Variants in LRP1 observed in about 807,000 individuals in gnomAD.
LRP1 encodes the protein prolow-density lipoprotein receptor-related protein 1.
A neutral mutation model predicts 541.5 loss-of-function variants in LRP1; 51 were observed. The ratio of observed to expected loss-of-function variants is 0.09; its 90% confidence interval spans 0.08 to 0.12. The LOEUF (loss-of-function observed/expected upper bound fraction) is 0.12, where lower values mean the gene tolerates loss of function less well. Ranked by LOEUF, LRP1 falls within the 10% of genes least tolerant of loss-of-function variation. The pLI is 1.00. For synonymous variants in LRP1, 2,219 were observed against 2,470.8 expected (o/e 0.90, Z 3.02); for missense variants, 3,878 against 6,376.2 (o/e 0.61, Z 13.34).
intron 44 of LRP1, 76 bp downstream of exon 44, chr12:57,191,588 A>G: frequency 7.5e-7 from 1 of 1,337,136 alleles, no homozygotes; most frequent in Non-Finnish European, 1.0e-6. Context: ...CCCCACACAC[A>G]CATCGCACAT....
rs768002005 is a variant in LRP1, at chr12:57,198,544, G to A, written c.9550G>A (p.Val3184Met). 30 of 1,613,842 alleles carry A rather than the reference G, an allele frequency of 1.9e-5. No homozygotes were observed. Among genetic ancestry groups the A allele is most frequent in the East Asian group, 2.2e-5 (1 of 44,888 alleles). ...GGATGGGTCCAGCCGCAGCGTCATC[G>A]TGGACACCAAGATCACATGGCCCAA... ...GMDGSSRSVI[V>M]DTKITWPNGL... is the part of the protein sequence containing the mutation. Residue 3184 changes from valine (V) to methionine (M), a missense_variant, in exon 60 of 89, where the codon GTG becomes ATG. Physicochemically the swap from Val to Met is conservative, Grantham distance 21. Around this residue, in one of 13 missense-constraint regions of LRP1, gnomAD observed 1,100 missense variants for 1,827.4 expected, o/e 0.60. Transcript: ENST00000243077.
At chr12:57,138,949 T>A (rs907194979) in intron 2 of LRP1, among the ~76,000 whole-genome samples, 2 of 152,184 alleles carry the variant, frequency 1.3e-5, no homozygotes, top group African/African-American at 4.8e-5. Flanking sequence ...GATCCTCAGA[T>A]CTTCCTCTGT....
In LRP1 at chr12:57,200,826, G is replaced by GGGGGGGGGCCCCCC; in HGVS notation, c.10225+11_10225+12insGGGGGGGGCCCCCC. ...ACGAGGCCAACTGTGGTAAGGCGCT[G>GGGGGGGGGCCCCCC]CCCGCCCACCCTCCCTCCTTCCCCA... is the stretch of plus-strand genomic sequence containing the variant. On this transcript the variant is annotated intron_variant, in intron 64 of 88. Coordinates refer to ENST00000243077, the MANE Select transcript of LRP1 (RefSeq NM_002332.3). 6.3e-7 allele frequency: 1 copy of GGGGGGGGGCCCCCC among 1,581,436 alleles called. No homozygotes were observed. The highest frequency in any genetic ancestry group is 8.6e-7 in the Non-Finnish European group (1 of 1,157,680).
chr12:57,180,811 G>A lies in LRP1; in HGVS notation c.5527+4G>A, dbSNP rs774203281. 8.1e-6 allele frequency: 13 copies of A among 1,613,516 alleles called. No individual in the cohort carries two copies. The Admixed American group carries it at 1.0e-4, about 12-fold the overall frequency. ...TATGACGAGAGCATCCAGCTGGGTA[G>A]GTGCGAGGCCGGGCGGCCGCTGGGG... On this transcript the variant is annotated splice_donor_region_variant and intron_variant, in intron 33 of 88. Transcript: ENST00000243077.
rs1008976294 is a variant in LRP1 at position 57,189,489 on chromosome 12, C to G, written c.7032-1316C>G. 6.6e-6 allele frequency among the ~76,000 whole-genome samples: 1 copy of G among 152,170 alleles called. No individual in the cohort carries two copies. Among genetic ancestry groups the G allele is most frequent in the Non-Finnish European group, 1.5e-5 (1 of 68,034 alleles). ...AGGCCCTTAAGATCAGAGCTTCTCACGAGCTCGCCGAGGCTCAGGGCAGCC... is the reference window on the plus strand; with the variant it reads ...AGGCCCTTAAGATCAGAGCTTCTCAGGAGCTCGCCGAGGCTCAGGGCAGCC... On this transcript the variant is annotated intron_variant, in intron 42 of 88. Transcript: ENST00000243077. This position sits in a 1 kb window ranked among gnomAD's most constrained non-coding sequence, Gnocchi z 4.4.
In LRP1 at chr12:57,179,566, G is replaced by A. The variant is rs201396084; in HGVS notation, c.4966+10G>A. ...ACAGTCGTCTCTGCAGGTTCTTCCTGGCCCTGGATGCCCACCAGTGGACAT... is the reference window on the plus strand; with the variant it reads ...ACAGTCGTCTCTGCAGGTTCTTCCTAGCCCTGGATGCCCACCAGTGGACAT... On this transcript the variant is annotated intron_variant, in intron 29 of 88. Coordinates refer to ENST00000243077, the MANE Select transcript of LRP1 (RefSeq NM_002332.3). This position sits in a 1 kb window ranked among gnomAD's most constrained non-coding sequence, Gnocchi z 6.8. 2.0e-5 allele frequency: 33 copies of A among 1,611,204 alleles called. No homozygotes were observed. The highest frequency in any genetic ancestry group is 2.5e-5 in the Non-Finnish European group (30 of 1,178,006).
At chr12:57,210,518 C>T in intron 82 of LRP1, 38 bp downstream of exon 82, 1 of 1,512,908 alleles carries the variant, frequency 6.6e-7, no homozygotes, top group Non-Finnish European at 8.9e-7. Flanking sequence ...CTCCTTGCCC[C>T]TGGGCCCCAG....
At chr12:57,195,439 G>A in intron 52 of LRP1, 40 bp downstream of exon 52, 1 of 1,595,340 alleles carries the variant, frequency 6.3e-7, no homozygotes, top group Non-Finnish European at 8.5e-7. Flanking sequence ...GACAGCAAAT[G>A]GCCACAGTCT....
intron 44 of LRP1, among the ~76,000 whole-genome samples, chr12:57,191,921 CTACACAT>C (rs1565744067): frequency 7.5e-5 from 9 of 120,164 alleles, no homozygotes; most frequent in Non-Finnish European, 1.3e-4. Flanking sequence ...ACCACACACA[CTACACAT>C]ACCACACACA....
At chr12:57,190,320 C>T (rs918409179) in intron 42 of LRP1, among the ~76,000 whole-genome samples, 3 of 152,228 alleles carry the variant, frequency 2.0e-5, no homozygotes, top group Non-Finnish European at 4.4e-5. Context: ...CTGGGAAATA[C>T]TCACATAGTG....
intron 12 of LRP1, among the ~76,000 whole-genome samples, chr12:57,160,369 C>G (rs1031378108): frequency 5.9e-5 from 9 of 152,166 alleles, no homozygotes; most frequent in African/African-American, 1.9e-4. Context: ...TGCCTGCTGT[C>G]TGTTTCTCAA....
chr12:57,206,492 G>A lies in LRP1; in HGVS notation c.11610G>A (p.Leu3870=). The part of the protein sequence containing the change: ...CKAEGSEYQV[L]YIADDNEIRS... Reference sequence around the variant, plus strand: ...CTCCAGGCTCTGAGTACCAGGTCCTGTACATCGCTGATGACAATGAGATCC... The same window carrying A: ...CTCCAGGCTCTGAGTACCAGGTCCTATACATCGCTGATGACAATGAGATCC... Residue 3870 remains leucine, a synonymous_variant, in exon 76 of 89, where the codon CTG becomes CTA. Transcript: ENST00000243077. The surrounding 1 kb of genome is among the most constrained non-coding windows in gnomAD (Gnocchi z 4.7). 1 of 1,614,110 alleles carries A rather than the reference G, an allele frequency of 6.2e-7. No homozygotes were observed. Among genetic ancestry groups the A allele is most frequent in the East Asian group, 2.2e-5 (1 of 44,888 alleles).
chr12:57,128,859 G>A lies in LRP1; in HGVS notation c.-106G>A. On this transcript the variant is annotated 5_prime_UTR_variant, in exon 1 of 89. Coordinates refer to ENST00000243077, the MANE Select transcript of LRP1 (RefSeq NM_002332.3). ...GAAGGAAAGAATAAGAACAGAGAAGGAGGAGGGGGAAAGGAGGAAAAGGGG... is the reference window on the plus strand; with the variant it reads ...GAAGGAAAGAATAAGAACAGAGAAGAAGGAGGGGGAAAGGAGGAAAAGGGG... The A allele has an allele frequency of 1.1e-6, 1 of 932,062 alleles. No individual in the cohort carries two copies. Among genetic ancestry groups the A allele is most frequent in the Non-Finnish European group, 1.6e-6 (1 of 614,656 alleles). 57.7% of individuals were successfully genotyped at this position (932,062 alleles called of 1,614,324 possible). A position where few individuals can be genotyped will look rare whatever the true frequency, so the allele number is the denominator to read the frequency against.
chr12:57,177,692 C>T lies in LRP1; in HGVS notation c.4361+101C>T, dbSNP rs1234981962. The T allele has an allele frequency of 2.9e-6, 4 of 1,369,278 alleles. No homozygotes were observed. Among genetic ancestry groups the T allele is most frequent in the Non-Finnish European group, 3.0e-6 (3 of 994,180 alleles). 84.8% of individuals were successfully genotyped at this position (1,369,278 alleles called of 1,614,324 possible). On this transcript the variant is annotated intron_variant, in intron 26 of 88. Coordinates refer to ENST00000243077, the MANE Select transcript of LRP1 (RefSeq NM_002332.3). The surrounding 1 kb of genome is among the most constrained non-coding windows in gnomAD (Gnocchi z 6.8). ...AGGGTGATGAGAAGGACCAAGGGAT[C>T]TAGAACTAGGAACGGTGGCAAAGGA...
chr12:57,212,624 C>T lies in LRP1; in HGVS notation c.*69C>T. 2.0e-6 allele frequency: 3 copies of T among 1,465,746 alleles called. No homozygotes were observed. Among genetic ancestry groups the T allele is most frequent in the Non-Finnish European group, 2.7e-6 (3 of 1,093,192 alleles). The allele number at this position is 1,465,746 out of a possible 1,614,324, so 90.8% of individuals were successfully genotyped here. On this transcript the variant is annotated 3_prime_UTR_variant, in exon 89 of 89. Coordinates refer to ENST00000243077, the MANE Select transcript of LRP1 (RefSeq NM_002332.3). This position sits in a 1 kb window ranked among gnomAD's most constrained non-coding sequence, Gnocchi z 5.0. ...TGCCAGTGAAGTCCTTCAGTGAGCC[C>T]CTCCCCAGCCAGCCCTTCCCTGGCC...
chr12:57,203,683 C>T lies in LRP1; in HGVS notation c.10951+162C>T, dbSNP rs200251804. 5.3e-5 allele frequency: 50 copies of T among 946,712 alleles called. 1 individual carries two copies. The East Asian group carries it at 7.5e-4, about 14-fold the overall frequency. The allele number at this position is 946,712 out of a possible 1,614,324, so 58.6% of individuals were successfully genotyped here. On this transcript the variant is annotated intron_variant, in intron 70 of 88. Coordinates refer to ENST00000243077, the MANE Select transcript of LRP1 (RefSeq NM_002332.3). Reference sequence around the variant, plus strand: ...CAGGCACTGCCATAGGTGTTAGGGACGTAGTAGTAAACAAGACACAGGGCC... The same window carrying T: ...CAGGCACTGCCATAGGTGTTAGGGATGTAGTAGTAAACAAGACACAGGGCC...
rs1032533342 is a variant in LRP1 at position 57,179,716 on chromosome 12, C to T, written c.4967-66C>T. 21 of 1,507,830 alleles carry T rather than the reference C, an allele frequency of 1.4e-5. No homozygotes were observed. The Admixed American group carries it at 1.7e-4, about 12-fold the overall frequency. The allele number at this position is 1,507,830 out of a possible 1,614,324, so 93.4% of individuals were successfully genotyped here. A position where few individuals can be genotyped will look rare whatever the true frequency, so the allele number is the denominator to read the frequency against. On this transcript the variant is annotated intron_variant, in intron 29 of 88. Transcript: ENST00000243077. This position sits in a 1 kb window ranked among gnomAD's most constrained non-coding sequence, Gnocchi z 6.8. ...TGATCCCTTTTCTCCAGAAGGCACACTGGCTCCCCTCCTGACCCACTGCCC... is the reference window on the plus strand; with the variant it reads ...TGATCCCTTTTCTCCAGAAGGCACATTGGCTCCCCTCCTGACCCACTGCCC...
rs1565759814 is a variant in LRP1, at chr12:57,212,949, T to G, written c.*394T>G. 1 of 170,070 alleles carries G rather than the reference T, an allele frequency of 5.9e-6. No individual in the cohort carries two copies. Among genetic ancestry groups the G allele is most frequent in the Non-Finnish European group, 1.3e-5 (1 of 78,982 alleles). 10.5% of individuals were successfully genotyped at this position (170,070 alleles called of 1,614,324 possible). ...CCCGCTCCCACAGCTTCCTGAGGGCTAATTCTGGGAAGGGAGAGTTCTTTG... is the reference window on the plus strand; with the variant it reads ...CCCGCTCCCACAGCTTCCTGAGGGCGAATTCTGGGAAGGGAGAGTTCTTTG... On this transcript the variant is annotated 3_prime_UTR_variant, in exon 89 of 89. Transcript: ENST00000243077. This position sits in a 1 kb window ranked among gnomAD's most constrained non-coding sequence, Gnocchi z 5.0.
At chr12:57,145,604 G>A (rs2035389447) in intron 6 of LRP1, 114 bp downstream of exon 6, 4 of 1,329,758 alleles carry the variant, frequency 3.0e-6, no homozygotes, top group African/African-American at 1.4e-5. Context: ...TCTGGGGCAG[G>A]AGAAGCAGGA....
Sources: allele counts gnomAD v4.1 joint callset (sites outside exome capture counted in the v4.1 genomes callset), GRCh38; gene constraint gnomAD v4.1.1; regional missense constraint gnomAD v4.1.1; non-coding constraint Gnocchi (gnomAD v3.1); transcripts MANE v1.5; gene names NCBI Gene and HGNC (gene_info 2026-07-23, HGNC 2026-07-21).